CHD7: variants seen among roughly 807,000 people sequenced by gnomAD.
The protein encoded by CHD7 is chromodomain helicase DNA binding protein 7, also known as ATP-dependent chromatin remodeler CHD7.
CHD7 carries 24 observed loss-of-function variants against 307.3 expected under a neutral mutation model. That is an observed-to-expected ratio of 0.08 (90% CI 0.06 to 0.11). CHD7 has a LOEUF of 0.11. Among genes scored for constraint, CHD7 ranks in the 10% least tolerant of loss-of-function variants. The pLI is 1.00. For missense variants in CHD7, 3,106 were observed against 3,727.1 expected (o/e 0.83, Z 4.34); for synonymous variants, 1,363 against 1,349.9 (o/e 1.01, Z -0.21).
intron 23 of CHD7, 80 bp from the exon 24 acceptor site, chr8:60,848,435 C>G: frequency 2.2e-6 from 2 of 916,966 alleles, no homozygotes; most frequent in Non-Finnish European, 3.5e-6. Flanking sequence ...GATGGATGAA[C>G]AGCAGCAGCT....
At chr8:60,830,223 A>T in intron 14 of CHD7, 99 bp from the exon 15 acceptor site, 1 of 1,234,012 alleles carries the variant, frequency 8.1e-7, no homozygotes, top group Non-Finnish European at 1.1e-6. Flanking sequence ...ATGAAAATGG[A>T]TGTTTAATGA....
chr8:60,862,800 A>G (rs114292771), intron 37 of CHD7, 148 bp downstream of exon 37: 1 of 518,582 alleles, frequency 1.9e-6, no homozygotes, highest in Admixed American at 3.5e-5. Flanking sequence ...ACATCATTTC[A>G]TACATCATTA....
chr8:60,722,193 A>G (rs139287099), intron 1 of CHD7, among the ~76,000 whole-genome samples: 1 of 152,272 alleles, frequency 6.6e-6, no homozygotes, highest in East Asian at 1.9e-4. Context: ...CAGTTTAGCT[A>G]AGAAGCCTTT....
intron 25 of CHD7, among the ~76,000 whole-genome samples, chr8:60,849,362 A>C (rs1332942335): frequency 6.6e-6 from 1 of 152,218 alleles, no homozygotes; most frequent in Non-Finnish European, 1.5e-5. Context: ...TTTGAGAAGA[A>C]AACATTTCTT....
chr8:60,857,318 C>A (rs183855755), intron 34 of CHD7, among the ~76,000 whole-genome samples: 2 of 152,276 alleles, frequency 1.3e-5, no homozygotes, highest in African/African-American at 4.8e-5. Context: ...TCTCCTGTCT[C>A]CTTAAGTAGA....
chr8:60,755,334 G>T (rs547744702), intron 2 of CHD7, among the ~76,000 whole-genome samples: 57 of 152,068 alleles, frequency 3.7e-4, no homozygotes, highest in Non-Finnish European at 7.4e-4. Flanking sequence ...TTTATGGGCA[G>T]CACTGTAACA....
At chr8:60,761,208 T>A (rs1810182212) in intron 2 of CHD7, among the ~76,000 whole-genome samples, 2 of 151,246 alleles carry the variant, frequency 1.3e-5, no homozygotes, top group African/African-American at 4.9e-5. Flanking sequence ...TGGATGAAAT[T>A]GGAAATCATC....
At chr8:60,695,046 C>T (rs1405439583) in intron 1 of CHD7, among the ~76,000 whole-genome samples, 2 of 152,040 alleles carry the variant, frequency 1.3e-5, no homozygotes, top group East Asian at 3.9e-4. Context: ...GAGGAAAAGA[C>T]ACAGCCATGG....
intron 4 of CHD7, among the ~76,000 whole-genome samples, chr8:60,795,827 C>T (rs1402256152): frequency 6.6e-6 from 1 of 152,134 alleles, no homozygotes; most frequent in Non-Finnish European, 1.5e-5. Context: ...TTGTTAGGTT[C>T]CCTGGAAGCA....
chr8:60,781,183 A>G lies in CHD7; in HGVS notation c.1849A>G (p.Lys617Glu). The G allele has an allele frequency of 6.2e-7, 1 of 1,606,230 alleles. No homozygotes were observed. The highest frequency in any genetic ancestry group is 8.5e-7 in the Non-Finnish European group (1 of 1,176,096). ...AGAGGATCCCAGTAAAGGTTTTGGT[A>G]AAGATGACTTCCCTGGTGGGGTAGA... Reference protein sequence around the residue: ...VAEDPSKGFGKDDFPGGVDNQ... With the variant: ...VAEDPSKGFGEDDFPGGVDNQ... The change falls in exon 3 of 38, where the codon AAA (lysine) becomes GAA (glutamate). Residue 617 changes from lysine (K) to glutamate (E), a missense_variant. By Grantham distance (56) the Lys-to-Glu change is moderately conservative. This residue lies in a region of CHD7 where 998 missense variants were observed against 1,004.5 expected (regional missense o/e 0.99). Transcript: ENST00000423902.
intron 3 of CHD7, among the ~76,000 whole-genome samples, chr8:60,794,054 G>T (rs369763459): frequency 2.0e-5 from 3 of 152,054 alleles, no homozygotes; most frequent in Non-Finnish European, 4.4e-5. Flanking sequence ...CCCGGGAGGC[G>T]GAGGTTGCAG....
intron 19 of CHD7, among the ~76,000 whole-genome samples, chr8:60,838,590 C>T (rs1056114831): frequency 6.6e-6 from 1 of 152,188 alleles, no homozygotes; most frequent in Non-Finnish European, 1.5e-5. Flanking sequence ...GTTTTTGAAA[C>T]AGCCTATAAG....
At position 60,781,125 on chromosome 8, in the gene CHD7, GA is replaced by G; in HGVS notation, c.1793del (p.Lys598ArgfsTer10). On this transcript the variant is annotated frameshift_variant, in exon 3 of 38. Coordinates refer to ENST00000423902, the MANE Select transcript of CHD7 (RefSeq NM_017780.4). LOFTEE classifies it high-confidence loss of function. ...CAATAGAACAGCAGCCACAACAAAA[GA>G]AGAAGAAAAAGAAAAACAACCACAT... The part of the protein sequence containing the change: ...PSIEQQPQQK[K>X]KKKKNNHIVA... 6.2e-7 allele frequency: 1 copy of G among 1,610,278 alleles called. No individual in the cohort carries two copies. The highest frequency in any genetic ancestry group is 1.7e-5 in the Admixed American group (1 of 59,438).
At chr8:60,844,396 C>G (rs898833856) in intron 21 of CHD7, among the ~76,000 whole-genome samples, 2 of 152,186 alleles carry the variant, frequency 1.3e-5, no homozygotes, top group Non-Finnish European at 2.9e-5. Flanking sequence ...CTGTGGCATC[C>G]CCTTAGAGGT....
At chr8:60,787,217 T>C (rs141310777) in intron 3 of CHD7, among the ~76,000 whole-genome samples, 78 of 152,318 alleles carry the variant, frequency 5.1e-4, no homozygotes, top group Middle Eastern at 3.4e-3. Context: ...TGCCAAAGTC[T>C]CATCTCACCT....
intron 1 of CHD7, among the ~76,000 whole-genome samples, chr8:60,688,130 G>A (rs1365709285): frequency 6.6e-6 from 1 of 152,158 alleles, no homozygotes; most frequent in Non-Finnish European, 1.5e-5. Flanking sequence ...CACACTTAAG[G>A]CCCTTCTGCT....
chr8:60,687,098 ATC>A (rs1805941840), intron 1 of CHD7, among the ~76,000 whole-genome samples: 1 of 152,190 alleles, frequency 6.6e-6, no homozygotes, highest in African/African-American at 2.4e-5. Flanking sequence ...CATTTTAGAA[ATC>A]TGTCTGTTGA....
intron 12 of CHD7, 67 bp from the exon 13 acceptor site, chr8:60,823,773 T>G (rs1804148374): frequency 7.9e-7 from 1 of 1,273,624 alleles, no homozygotes; most frequent in Non-Finnish European, 1.1e-6. Flanking sequence ...TTTATGCTAT[T>G]TATTCATCCT....
chr8:60,762,703 G>C (rs1810275224), intron 2 of CHD7, among the ~76,000 whole-genome samples: 1 of 152,168 alleles, frequency 6.6e-6, no homozygotes, highest in Non-Finnish European at 1.5e-5. Context: ...AGTATACTCT[G>C]TTGCCCCCAC....
Sources: allele counts gnomAD v4.1 joint callset (sites outside exome capture counted in the v4.1 genomes callset), GRCh38; gene constraint gnomAD v4.1.1; regional missense constraint gnomAD v4.1.1; transcripts MANE v1.5; gene names NCBI Gene and HGNC (gene_info 2026-07-23, HGNC 2026-07-21).